The following ACAP1 variants were observed in gnomAD, a reference collection of about 807,000 sequenced individuals.
ACAP1 encodes arf-GAP with coiled-coil, ANK repeat and PH domain-containing protein 1.
A neutral mutation model predicts 98.8 loss-of-function variants in ACAP1; 45 were observed. The ratio of observed to expected loss-of-function variants is 0.46; its 90% CI spans 0.36 to 0.58. The LOEUF (loss-of-function observed/expected upper bound fraction) is 0.58, where lower values mean the gene tolerates loss of function less well. Among genes scored for constraint, ACAP1 ranks in the 20% least tolerant of loss-of-function variants. The pLI, the probability that ACAP1 is intolerant of heterozygous loss-of-function variation, is 0.00. For synonymous variants in ACAP1, 362 were observed against 375.3 expected (o/e 0.96, Z 0.41); for missense variants, 735 against 971.4 (o/e 0.76, Z 3.24).
intron 5 of ACAP1, 105 bp downstream of exon 5, chr17:7,342,579 A>C (rs1038327925): frequency 5.7e-6 from 7 of 1,232,482 alleles, no homozygotes; most frequent in Non-Finnish European, 8.2e-6. Context: ...CAACCTAGCC[A>C]ACATGGCGAA....
intron 5 of ACAP1, chr17:7,342,835 G>A: frequency 3.0e-6 from 1 of 329,298 alleles, no homozygotes; most frequent in Non-Finnish European, 5.8e-6. Context: ...TTGAACCCAG[G>A]AGGTGGAGGT....
At position 7,344,745 on chromosome 17, in the gene ACAP1, C is replaced by A; in HGVS notation, c.854+97C>A. On this transcript the variant is annotated intron_variant, in intron 10 of 21. Transcript: ENST00000158762. The surrounding 1 kb of genome is among the most constrained non-coding windows in gnomAD (Gnocchi z 4.9). ...GCACTGCAAGGAAAAACAGACGAAC[C>A]CCCCTGCCTCAGTAGAGTTTCATTC... 1.2e-6 allele frequency: 1 copy of A among 813,582 alleles called. No homozygotes were observed. Among genetic ancestry groups the A allele is most frequent in the South Asian group, 1.6e-5 (1 of 61,000 alleles). The allele number at this position is 813,582 out of a possible 1,614,324, so 50.4% of individuals were successfully genotyped here.
chr17:7,342,566 C>G, intron 5 of ACAP1, 92 bp downstream of exon 5: 1 of 1,388,528 alleles, frequency 7.2e-7, no homozygotes. Context: ...AGGAGTTGGA[C>G]ACCAACCTAG....
chr17:7,347,422 C>A, intron 14 of ACAP1, 180 bp downstream of exon 14: 1 of 617,374 alleles, frequency 1.6e-6, no homozygotes, highest in Admixed American at 3.3e-5. Flanking sequence ...TGGACCCAGG[C>A]GGGCCTAGCC....
chr17:7,336,820 G>A (rs1175562757), intron 1 of ACAP1, 33 bp downstream of exon 1: 3 of 1,611,620 alleles, frequency 1.9e-6, no homozygotes, highest in South Asian at 1.1e-5. Flanking sequence ...GGCTAAGGAG[G>A]GGAAAGTCTA....
chr17:7,339,500 C>T (rs1176247035), intron 2 of ACAP1, among the ~76,000 whole-genome samples: 1 of 152,080 alleles, frequency 6.6e-6, no homozygotes, highest in Non-Finnish European at 1.5e-5. Flanking sequence ...ATCCCAGCTA[C>T]TCAGGAGGCT....
chr17:7,342,357 G>T (rs760653807), intron 4 of ACAP1, 29 bp downstream of exon 4: 2 of 1,613,988 alleles, frequency 1.2e-6, no homozygotes, highest in African/African-American at 2.7e-5. Flanking sequence ...GGATTGTCGG[G>T]GTGGTGGCCA....
chr17:7,351,206 C>A (rs2073406570), intron 21 of ACAP1, 89 bp from the exon 22 acceptor site: 6 of 1,221,498 alleles, frequency 4.9e-6, no homozygotes, highest in Non-Finnish European at 7.0e-6. Flanking sequence ...AGGCTCGGAG[C>A]GCGAGGTCCC....
chr17:7,347,908 C>A lies in ACAP1; in HGVS notation c.1344-14C>A, dbSNP rs751617582. 2 of 1,613,162 alleles carry A rather than the reference C, an allele frequency of 1.2e-6. No individual in the cohort carries two copies. The highest frequency in any genetic ancestry group is 1.7e-6 in the Non-Finnish European group (2 of 1,179,234). On this transcript the variant is annotated splice_polypyrimidine_tract_variant and intron_variant, in intron 14 of 21. Coordinates refer to ENST00000158762, the MANE Select transcript of ACAP1 (RefSeq NM_014716.4). ...CCCTGCACAGGGCCTGACCCTCCCCCTCTGGCCCTCCAGGAGCCTTGGTGT... is the reference window on the plus strand; with the variant it reads ...CCCTGCACAGGGCCTGACCCTCCCCATCTGGCCCTCCAGGAGCCTTGGTGT...
intron 2 of ACAP1, among the ~76,000 whole-genome samples, chr17:7,341,197 C>T (rs2073273476): frequency 6.6e-6 from 1 of 152,236 alleles, no homozygotes; most frequent in African/African-American, 2.4e-5. Context: ...GTCACCCAGG[C>T]TGGAGTGCAG....
chr17:7,346,687 C>T, intron 12 of ACAP1, 121 bp from the exon 13 acceptor site: 1 of 1,280,146 alleles, frequency 7.8e-7, no homozygotes. Context: ...CCAACTGGTA[C>T]AGAAGTCTTT....
chr17:7,345,311 TTTC>T (rs2073335375), intron 10 of ACAP1: 1 of 150,834 alleles, frequency 6.6e-6, no homozygotes, highest in Non-Finnish European at 1.5e-5. Context: ...CTTTTTTCTT[TTTC>T]TTTTCTTTTT....
chr17:7,346,312 C>T lies in ACAP1; in HGVS notation c.906+17C>T, dbSNP rs139424014. The T allele has an allele frequency of 0.012, 19,199 of 1,614,116 alleles. 146 individuals carry two copies. Among genetic ancestry groups the T allele is most frequent in the Middle Eastern group, 0.02 (123 of 6,062 alleles). ...AAGTACAAGGTGAGTGGACCTGGGT[C>T]CTGGATGCCTGGGCCCCAGGGAGAC... On this transcript the variant is annotated intron_variant, in intron 11 of 21. Transcript: ENST00000158762.
chr17:7,338,558 C>T lies in ACAP1; in HGVS notation c.111+1189C>T, dbSNP rs1171883112. On this transcript the variant is annotated intron_variant, in intron 2 of 21. Coordinates refer to ENST00000158762, the MANE Select transcript of ACAP1 (RefSeq NM_014716.4). ...CATTACAGGCTTAAGCCACCGCACC[C>T]GGCCTACAAATAATAATTTTAAACA... is the stretch of plus-strand genomic sequence containing the variant. 4.0e-5 allele frequency among the ~76,000 whole-genome samples: 6 copies of T among 151,398 alleles called. No individual in the cohort carries two copies. The East Asian group carries it at 5.8e-4, about 15-fold the overall frequency.
chr17:7,349,152 C>T lies in ACAP1; in HGVS notation c.1836C>T (p.Ile612=), dbSNP rs1293659692. ...NGGQDNATPL[I]QATAANSLLA... Reference sequence around the variant, plus strand: ...GCCAAGATAATGCCACACCGCTGATCCAGGCCACAGCTGCTGTAAGAGCCC... The same window carrying T: ...GCCAAGATAATGCCACACCGCTGATTCAGGCCACAGCTGCTGTAAGAGCCC... Residue 612 remains isoleucine, a synonymous_variant, in exon 18 of 22, where the codon ATC becomes ATT. Transcript: ENST00000158762. The T allele has an allele frequency of 6.2e-7, 1 of 1,613,966 alleles. No homozygotes were observed.
At chr17:7,349,708 A>G in intron 18 of ACAP1, 1 of 472,724 alleles carries the variant, frequency 2.1e-6, no homozygotes, top group East Asian at 3.2e-5. Context: ...TTAACCTCTC[A>G]GCCTCATCTG....
Position 7,350,689 on chromosome 17 carries a change from A to AC in ACAP1, c.2073-256dup, listed in dbSNP as rs1405666174. ...AGGGGCGCGATCTCGGCTCACTGCA[A>AC]CCCCCGCCTCCCGGGTTCAAGCGAT... On this transcript the variant is annotated intron_variant, in intron 20 of 21. Transcript: ENST00000158762. The surrounding 1 kb of genome is among the most constrained non-coding windows in gnomAD (Gnocchi z 4.6). The AC allele has an allele frequency of 3.4e-5, 16 of 465,752 alleles. No homozygotes were observed. Among genetic ancestry groups the AC allele is most frequent in the South Asian group, 2.8e-4 (13 of 46,348 alleles). 28.9% of individuals were successfully genotyped at this position (465,752 alleles called of 1,614,324 possible).
chr17:7,347,256 G>A lies in ACAP1; in HGVS notation c.1343+14G>A. The A allele has an allele frequency of 1.9e-6, 3 of 1,599,866 alleles. No homozygotes were observed. Among genetic ancestry groups the A allele is most frequent in the Non-Finnish European group, 2.6e-6 (3 of 1,170,108 alleles). On this transcript the variant is annotated intron_variant, in intron 14 of 21. Coordinates refer to ENST00000158762, the MANE Select transcript of ACAP1 (RefSeq NM_014716.4). Reference sequence around the variant, plus strand: ...CGGCATCCACAGGTTACTCCACAAGGCCCATGCGGGAGCCCCACTCCTTCG... The same window carrying A: ...CGGCATCCACAGGTTACTCCACAAGACCCATGCGGGAGCCCCACTCCTTCG...
Position 7,351,021 on chromosome 17 carries a change from C to A in ACAP1, c.2122+22C>A, listed in dbSNP as rs754737147. The A allele has an allele frequency of 8.1e-6, 13 of 1,610,034 alleles. No homozygotes were observed. In the East Asian group the frequency reaches 1.1e-4, roughly 14 times the overall value. On this transcript the variant is annotated intron_variant, in intron 21 of 21. Coordinates refer to ENST00000158762, the MANE Select transcript of ACAP1 (RefSeq NM_014716.4). Reference sequence around the variant, plus strand: ...GCAGGTAAAGAATACACCCACCCCACCCCCCAGGCCCAACACCTGAACTCT... The same window carrying A: ...GCAGGTAAAGAATACACCCACCCCAACCCCCAGGCCCAACACCTGAACTCT...
Sources: allele counts gnomAD v4.1 joint callset (sites outside exome capture counted in the v4.1 genomes callset), GRCh38; gene constraint gnomAD v4.1.1; non-coding constraint Gnocchi (gnomAD v3.1); transcripts MANE v1.5; gene names NCBI Gene and HGNC (gene_info 2026-07-23, HGNC 2026-07-21).